SLIT2: variants seen among roughly 807,000 people sequenced by gnomAD.
SLIT2 encodes the protein slit homolog 2 protein.
SLIT2 carries 41 observed loss-of-function variants against 185.7 expected under a neutral mutation model. The observed-to-expected ratio is 0.22, with a 90% CI of 0.17 to 0.29. SLIT2 has a LOEUF of 0.29. Ranked by LOEUF, SLIT2 falls within the 10% of genes least tolerant of loss-of-function variation. The pLI, the probability that SLIT2 is intolerant of heterozygous loss-of-function variation, is 1.00. For missense variants in SLIT2, 1,571 were observed against 1,909.0 expected, an observed-to-expected ratio of 0.82 and a Z score of 3.30; for synonymous variants, 693 against 680.2, an observed-to-expected ratio of 1.02 and a Z score of -0.29.
intron 29 of SLIT2, among the ~76,000 whole-genome samples, chr4:20,579,841 AT>A (rs1300059685): frequency 2.6e-5 from 4 of 151,558 alleles, no homozygotes; most frequent in African/African-American, 9.7e-5. Flanking sequence ...TTGTCAAAAA[AT>A]TACTATAGTT....
chr4:20,511,593 T>TTTATTTTTTTTA (rs1553915382), intron 11 of SLIT2, among the ~76,000 whole-genome samples: 7 of 134,246 alleles, frequency 5.2e-5, no homozygotes, highest in South Asian at 4.9e-4. Context: ...GCTAATTTTT[T>TTTATTTTTTTTA]TTTTTTTTTT....
chr4:20,571,392 T>C (rs1725594596), intron 29 of SLIT2, among the ~76,000 whole-genome samples: 1 of 152,202 alleles, frequency 6.6e-6, no homozygotes. Context: ...TTTGACAATT[T>C]GGCATGAGAG....
intron 4 of SLIT2, among the ~76,000 whole-genome samples, chr4:20,355,759 G>T (rs1328797195): frequency 1.3e-5 from 2 of 152,016 alleles, no homozygotes; most frequent in Non-Finnish European, 2.9e-5. Flanking sequence ...TATCTATGTA[G>T]AAGTACGCAA....
At chr4:20,334,992 A>G (rs1243698956) in intron 4 of SLIT2, among the ~76,000 whole-genome samples, 1 of 152,220 alleles carries the variant, frequency 6.6e-6, no homozygotes, top group Non-Finnish European at 1.5e-5. Flanking sequence ...ATGCAGTGTC[A>G]TCACCAGTTA....
chr4:20,620,546 A>C lies in SLIT2; in HGVS notation c.*1537A>C. ...CTGCTGATGTTTGTAAATTAAACAG[A>C]TATTTACTTCATTAACAGCTTGGTG... On this transcript the variant is annotated 3_prime_UTR_variant, in exon 37 of 37. Coordinates refer to ENST00000504154, the MANE Select transcript of SLIT2 (RefSeq NM_004787.4). 2.9e-6 allele frequency: 1 copy of C among 345,802 alleles called. No individual in the cohort carries two copies. Among genetic ancestry groups the C allele is most frequent in the Non-Finnish European group, 5.6e-6 (1 of 178,982 alleles). The allele number at this position is 345,802 out of a possible 1,614,324, so 21.4% of individuals were successfully genotyped here.
intron 4 of SLIT2, among the ~76,000 whole-genome samples, chr4:20,463,050 A>G (rs1320342791): frequency 6.6e-6 from 1 of 152,174 alleles, no homozygotes; most frequent in Non-Finnish European, 1.5e-5. Context: ...AATATAAACT[A>G]TTATTGTTTC....
At chr4:20,447,906 A>C (rs1712000609) in intron 4 of SLIT2, among the ~76,000 whole-genome samples, 1 of 152,212 alleles carries the variant, frequency 6.6e-6, no homozygotes, top group Admixed American at 6.5e-5. Context: ...GAGGAGAAAA[A>C]AGGAAATGAA....
At chr4:20,550,775 T>A in intron 24 of SLIT2, 52 bp from the exon 25 acceptor site, 3 of 1,090,144 alleles carry the variant, frequency 2.8e-6, no homozygotes, top group Non-Finnish European at 4.2e-6. Context: ...TTCTCTGGAG[T>A]CTATGAGTTC....
In SLIT2 at chr4:20,276,310, A is replaced by G. The variant is rs141498885; in HGVS notation, c.395+7429A>G. Reference sequence around the variant, plus strand: ...TATCCACTCATTACATGTTACCTATAACTGAGTTGATTATAATCACTGAAT... The same window carrying G: ...TATCCACTCATTACATGTTACCTATGACTGAGTTGATTATAATCACTGAAT... On this transcript the variant is annotated intron_variant, in intron 4 of 36. Transcript: ENST00000504154. Among the ~76,000 whole-genome samples the G allele has an allele frequency of 7.5e-3, 1,136 of 152,280 alleles. 11 individuals carry two copies. Among genetic ancestry groups the G allele is most frequent in the African/African-American group, 0.025 (1,058 of 41,560 alleles).
At chr4:20,602,053 T>C (rs1303653511) in intron 33 of SLIT2, among the ~76,000 whole-genome samples, 1 of 152,164 alleles carries the variant, frequency 6.6e-6, no homozygotes, top group Non-Finnish European at 1.5e-5. Context: ...AAAGTAATAA[T>C]ACACTTATTA....
chr4:20,398,942 C>T (rs993945468), intron 4 of SLIT2, among the ~76,000 whole-genome samples: 1 of 151,482 alleles, frequency 6.6e-6, no homozygotes, highest in Non-Finnish European at 1.5e-5. Flanking sequence ...GGACATTTAA[C>T]CCATGAAAAA....
At chr4:20,300,214 A>T (rs1457192566) in intron 4 of SLIT2, among the ~76,000 whole-genome samples, 1 of 152,150 alleles carries the variant, frequency 6.6e-6, no homozygotes, top group Non-Finnish European at 1.5e-5. Flanking sequence ...AAAAGTAAAG[A>T]TCCTAAACTA....
In SLIT2 at chr4:20,257,940, G is replaced by GT. The variant is rs1560260364; in HGVS notation, c.323+2dup. 1 of 1,419,366 alleles carries GT rather than the reference G, an allele frequency of 7.0e-7. No homozygotes were observed. The highest frequency in any genetic ancestry group is 1.9e-5 in the Admixed American group (1 of 53,822). 87.9% of individuals were successfully genotyped at this position (1,419,366 alleles called of 1,614,324 possible). A position where few individuals can be genotyped will look rare whatever the true frequency, so the allele number is the denominator to read the frequency against. On this transcript the variant is annotated splice_donor_variant, in intron 3 of 36. Transcript: ENST00000504154. LOFTEE classifies it high-confidence loss of function. The stretch of plus-strand genomic sequence containing the variant: ...AGGATCTTAAAGAACTAGAGAGACT[G>GT]TAAGTATTTTCAATTCCAAAGTTAT...
intron 9 of SLIT2, among the ~76,000 whole-genome samples, chr4:20,498,886 A>G (rs1007959427): frequency 2.0e-5 from 3 of 152,198 alleles, no homozygotes; most frequent in East Asian, 1.9e-4. Context: ...CATATGAGTG[A>G]AAGTGTCTTA....
intron 4 of SLIT2, among the ~76,000 whole-genome samples, chr4:20,313,558 T>G (rs1460731340): frequency 2.0e-5 from 3 of 152,206 alleles, no homozygotes; most frequent in Non-Finnish European, 4.4e-5. Flanking sequence ...TTCTGATTAC[T>G]TTCTGCCTTC....
intron 4 of SLIT2, among the ~76,000 whole-genome samples, chr4:20,434,103 G>A (rs1252517105): frequency 1.3e-5 from 2 of 152,120 alleles, no homozygotes; most frequent in African/African-American, 4.8e-5. Context: ...GGGAATGGCC[G>A]TCATCGGGGG....
chr4:20,392,540 T>C (rs1725507553), intron 4 of SLIT2, among the ~76,000 whole-genome samples: 1 of 152,176 alleles, frequency 6.6e-6, no homozygotes, highest in African/African-American at 2.4e-5. Flanking sequence ...AAATTAACTC[T>C]AGCATACTGT....
At chr4:20,372,456 T>G (rs1416199063) in intron 4 of SLIT2, among the ~76,000 whole-genome samples, 1 of 152,080 alleles carries the variant, frequency 6.6e-6, no homozygotes, top group Non-Finnish European at 1.5e-5. Flanking sequence ...TTTTCTGACT[T>G]TTTATTAAAA....
intron 29 of SLIT2, among the ~76,000 whole-genome samples, chr4:20,579,178 T>G (rs954270229): frequency 2.6e-5 from 4 of 151,760 alleles, no homozygotes; most frequent in Middle Eastern, 3.2e-3. Context: ...TGCGTGCCTG[T>G]AATCCCAGCT....
Sources: allele counts gnomAD v4.1 joint callset (sites outside exome capture counted in the v4.1 genomes callset), GRCh38; gene constraint gnomAD v4.1.1; transcripts MANE v1.5; gene names NCBI Gene and HGNC (gene_info 2026-07-23, HGNC 2026-07-21).